Variants in USP54 observed in about 807,000 individuals in gnomAD.
USP54 encodes ubiquitin carboxyl-terminal hydrolase 54.
USP54 carries 87 observed loss-of-function variants against 170.5 expected under a neutral mutation model. That is an observed-to-expected ratio of 0.51 (90% CI 0.43 to 0.61). The LOEUF (loss-of-function observed/expected upper bound fraction) is 0.61, where lower values mean the gene tolerates loss of function less well. Ranked by LOEUF, USP54 falls within the 20% of genes least tolerant of loss-of-function variation. The probability of loss-of-function intolerance (pLI) is 0.00; values close to 1 mark genes in which losing one functional copy is unlikely to be tolerated. For synonymous variants in USP54, 655 were observed against 742.8 expected (o/e 0.88, Z 1.92); for missense variants, 1,786 against 2,047.8 (o/e 0.87, Z 2.47).
At chr10:73,612,881 C>T (rs1053769150) in intron 1 of USP54, among the ~76,000 whole-genome samples, 12 of 147,528 alleles carry the variant, frequency 8.1e-5, no homozygotes, top group Non-Finnish European at 1.8e-4. Flanking sequence ...TTTGGCTGGG[C>T]GTGGTGGCAC....
At chr10:73,606,878 CAAAAAAAA>C (rs200071977) in intron 1 of USP54, among the ~76,000 whole-genome samples, 1 of 55,892 alleles carries the variant, frequency 1.8e-5, no homozygotes. Flanking sequence ...GACAATATCT[CAAAAAAAA>C]AAAAAAAAAA....
At chr10:73,587,682 ACT>A (rs2077684558) in intron 1 of USP54, among the ~76,000 whole-genome samples, 4 of 152,144 alleles carry the variant, frequency 2.6e-5, no homozygotes, top group Admixed American at 2.0e-4. Context: ...TATTGAACTA[ACT>A]CTTAGGTACT....
intron 20 of USP54, among the ~76,000 whole-genome samples, chr10:73,515,637 A>T (rs1220670269): frequency 6.6e-6 from 1 of 152,168 alleles, no homozygotes. Flanking sequence ...AAATGTCCAC[A>T]CTGAGCATAT....
chr10:73,585,884 G>A (rs2132169589), intron 1 of USP54, among the ~76,000 whole-genome samples: 1 of 152,176 alleles, frequency 6.6e-6, no homozygotes, highest in African/African-American at 2.4e-5. Context: ...AGCTGGGCGT[G>A]GTGGCGCGTG....
At chr10:73,556,612 G>A (rs928710164) in intron 4 of USP54, among the ~76,000 whole-genome samples, 1 of 152,090 alleles carries the variant, frequency 6.6e-6, no homozygotes, top group African/African-American at 2.4e-5. Flanking sequence ...CCAAAGTGCT[G>A]GGATTACAGG....
At chr10:73,569,929 A>AAAAAAAAAAAAAAAAAAAAAC (rs1564867742) in intron 4 of USP54, among the ~76,000 whole-genome samples, 1 of 135,656 alleles carries the variant, frequency 7.4e-6, no homozygotes. Context: ...AAAAAAAAAA[A>AAAAAAAAAAAAAAAAAAAAAC]AAAAAAAAAA....
intron 20 of USP54, 100 bp downstream of exon 20, chr10:73,516,274 TG>T: frequency 7.9e-7 from 1 of 1,273,662 alleles, no homozygotes; most frequent in Non-Finnish European, 1.1e-6. Flanking sequence ...CCTACTAAGC[TG>T]GGGATAGTAT....
At chr10:73,564,176 C>T (rs1171065470) in intron 4 of USP54, among the ~76,000 whole-genome samples, 4 of 151,960 alleles carry the variant, frequency 2.6e-5, no homozygotes, top group Middle Eastern at 3.2e-3. Flanking sequence ...TAATTTTTGA[C>T]TTGTTGTAGA....
At chr10:73,561,412 G>T (rs1434746037) in intron 4 of USP54, among the ~76,000 whole-genome samples, 1 of 152,030 alleles carries the variant, frequency 6.6e-6, no homozygotes, top group Non-Finnish European at 1.5e-5. Flanking sequence ...ATCACTTGAG[G>T]CCAGGAGTTT....
Position 73,498,557 on chromosome 10 carries a change from AGCCACCGCGCCCGGCCC to A in USP54, c.*55_*71del. ...CCAAAGTGCTGGGATTACAGGTGTG[AGCCACCGCGCCCGGCCC>A]ACAGTACAGTTTTACAAAGAAAGGT... On this transcript the variant is annotated 3_prime_UTR_variant, in exon 24 of 24. Coordinates refer to ENST00000687698, the MANE Select transcript of USP54 (RefSeq NM_001391956.1). 1 of 1,440,438 alleles carries A rather than the reference AGCCACCGCGCCCGGCCC, an allele frequency of 6.9e-7. No homozygotes were observed. Among genetic ancestry groups the A allele is most frequent in the Non-Finnish European group, 9.3e-7 (1 of 1,078,118 alleles). 89.2% of individuals were successfully genotyped at this position (1,440,438 alleles called of 1,614,324 possible).
chr10:73,607,646 C>A (rs1327910325), intron 1 of USP54, among the ~76,000 whole-genome samples: 1 of 151,460 alleles, frequency 6.6e-6, no homozygotes, highest in East Asian at 2.0e-4. Flanking sequence ...CCCTGACCAA[C>A]ATGGTAAAAC....
intron 1 of USP54, among the ~76,000 whole-genome samples, chr10:73,615,388 A>G (rs1048368993): frequency 6.6e-6 from 1 of 150,422 alleles, no homozygotes; most frequent in Non-Finnish European, 1.5e-5. Flanking sequence ...AAAAATAGAA[A>G]GAATGAGTAA....
At chr10:73,559,682 C>T (rs1430194011) in intron 4 of USP54, among the ~76,000 whole-genome samples, 1 of 144,728 alleles carries the variant, frequency 6.9e-6, no homozygotes, top group Non-Finnish European at 1.5e-5. Flanking sequence ...GAGTCCAGAT[C>T]GCACCACTGC....
chr10:73,504,830 T>C lies in USP54; in HGVS notation c.4311+20A>G, dbSNP rs1423666798. The C allele has an allele frequency of 1.9e-6, 3 of 1,614,168 alleles. No individual in the cohort carries two copies. The highest frequency in any genetic ancestry group is 2.5e-6 in the Non-Finnish European group (3 of 1,180,028). On this transcript the variant is annotated intron_variant, in intron 22 of 23. Transcript: ENST00000687698. ...CAAGGAGGAGGGTGCTCTGAATAGATGGACCCTGATTCTACTTACAAAACT... is the reference window on the plus strand; with the variant it reads ...CAAGGAGGAGGGTGCTCTGAATAGACGGACCCTGATTCTACTTACAAAACT...
chr10:73,624,198 ATTT>A (rs1208558815), intron 1 of USP54, among the ~76,000 whole-genome samples: 3 of 102,442 alleles, frequency 2.9e-5, no homozygotes, highest in African/African-American at 1.2e-4. Context: ...ATATATATGT[ATTT>A]TTTTTTTTTT....
At chr10:73,536,027 A>G (rs1441433244) in intron 11 of USP54, among the ~76,000 whole-genome samples, 1 of 152,222 alleles carries the variant, frequency 6.6e-6, no homozygotes, top group African/African-American at 2.4e-5. Context: ...CTAAATAAAC[A>G]TAATTTCCTT....
intron 1 of USP54, among the ~76,000 whole-genome samples, chr10:73,603,239 T>C (rs2079341195): frequency 6.6e-6 from 1 of 152,196 alleles, no homozygotes; most frequent in Admixed American, 6.6e-5. Context: ...TAATATTTAA[T>C]TTGCTGGATG....
rs1308588751 is a variant in USP54 at position 73,516,614 on chromosome 10, T to C, written c.3812A>G (p.Asp1271Gly). 2 of 1,614,164 alleles carry C rather than the reference T, an allele frequency of 1.2e-6. No individual in the cohort carries two copies. The highest frequency in any genetic ancestry group is 1.7e-6 in the Non-Finnish European group (2 of 1,180,020). ...AGGTGCCCCATGCTTAAGCTGAGAA[T>C]CACAGAACCTTGTGATATTCACCCA... Reference protein sequence around the residue: ...DSWVNITRFCDSQLKHGAPRP... With the variant: ...DSWVNITRFCGSQLKHGAPRP... The change falls in exon 20 of 24, where the codon GAT becomes GGT. Residue 1271 changes from aspartate (D) to glycine (G), a missense_variant. Coordinates refer to ENST00000687698, the MANE Select transcript of USP54 (RefSeq NM_001391956.1).
chr10:73,541,133 C>T (rs955756278), intron 9 of USP54, among the ~76,000 whole-genome samples: 2 of 152,098 alleles, frequency 1.3e-5, no homozygotes, highest in African/African-American at 4.8e-5. Flanking sequence ...CTAAGCTCTG[C>T]CTATCCTGTC....
Sources: allele counts gnomAD v4.1 joint callset (sites outside exome capture counted in the v4.1 genomes callset), GRCh38; gene constraint gnomAD v4.1.1; transcripts MANE v1.5; gene names NCBI Gene and HGNC (gene_info 2026-07-23, HGNC 2026-07-21).